STAM2: variants seen among roughly 807,000 people sequenced by gnomAD.
STAM2 encodes signal transducing adaptor molecule 2.
Under a neutral mutation model 65.6 loss-of-function variants are expected in STAM2, and 51 were observed. The observed-to-expected ratio is 0.78, with a 90% CI of 0.62 to 0.98. The LOEUF (loss-of-function observed/expected upper bound fraction) is 0.98. Ranked by LOEUF, STAM2 falls within the 50% of genes least tolerant of loss-of-function variation. The probability of loss-of-function intolerance (pLI) is 0.00; values close to 1 mark genes in which losing one functional copy is unlikely to be tolerated. For synonymous variants in STAM2, 198 were observed against 208.4 expected (o/e 0.95, Z 0.43); for missense variants, 584 against 617.8 (o/e 0.95, Z 0.58).
chr2:152,122,848 T>C (rs1688882319), intron 13 of STAM2, among the ~76,000 whole-genome samples: 1 of 151,984 alleles, frequency 6.6e-6, no homozygotes, highest in African/African-American at 2.4e-5. Flanking sequence ...GGCAGATCCC[T>C]TGAGCTCAGG....
At position 152,122,068 on chromosome 2, in the gene STAM2, A is replaced by ATGTG. The variant is rs1688863875; in HGVS notation, c.1350-1267_1350-1266insCACA. Among the ~76,000 whole-genome samples the ATGTG allele has an allele frequency of 2.4e-5, 3 of 123,860 alleles. No homozygotes were observed. In the Admixed American group the frequency reaches 2.8e-4, roughly 11 times the overall value. 81.3% of individuals were successfully genotyped at this position (123,860 alleles called of 152,430 possible). Reference sequence around the variant, plus strand: ...GTCCCCAAAAAAAAAATATATATATATATATATATGTGTGTGTGTGTGTGT... The same window carrying ATGTG: ...GTCCCCAAAAAAAAAATATATATATATGTGTATATATATGTGTGTGTGTGTGTGT... On this transcript the variant is annotated intron_variant, in intron 13 of 13. Coordinates refer to ENST00000263904, the MANE Select transcript of STAM2 (RefSeq NM_005843.6).
intron 1 of STAM2, among the ~76,000 whole-genome samples, chr2:152,167,052 G>A (rs1266399669): frequency 6.6e-6 from 1 of 152,072 alleles, no homozygotes; most frequent in Non-Finnish European, 1.5e-5. Flanking sequence ...CTAAATATGA[G>A]GGAGACTGTA....
intron 1 of STAM2, among the ~76,000 whole-genome samples, chr2:152,166,245 A>G (rs372528495): frequency 6.6e-5 from 10 of 152,306 alleles, no homozygotes; most frequent in African/African-American, 2.2e-4. Flanking sequence ...TTAAGACTAC[A>G]TCATCATGTA....
chr2:152,125,437 C>T (rs753742417), intron 12 of STAM2, among the ~76,000 whole-genome samples: 1 of 152,188 alleles, frequency 6.6e-6, no homozygotes, highest in Non-Finnish European at 1.5e-5. Context: ...CCTTTACATA[C>T]CAGTTTTCAT....
chr2:152,126,718 C>CCA (rs397700967), intron 11 of STAM2, among the ~76,000 whole-genome samples: 7 of 151,994 alleles, frequency 4.6e-5, no homozygotes, highest in Admixed American at 1.3e-4. Flanking sequence ...GCAAACCCCC[C>CCA]ACGTTTTCTG....
At chr2:152,160,978 C>A (rs1395960381) in intron 1 of STAM2, among the ~76,000 whole-genome samples, 1 of 151,484 alleles carries the variant, frequency 6.6e-6, no homozygotes. Flanking sequence ...TGCCCGGCCA[C>A]CACCCCGTCT....
intron 1 of STAM2, among the ~76,000 whole-genome samples, chr2:152,166,956 G>A (rs1484961129): frequency 6.6e-6 from 1 of 152,184 alleles, no homozygotes; most frequent in African/African-American, 2.4e-5. Context: ...TACCGACCAA[G>A]AAAATAGTTT....
At chr2:152,122,327 AG>A (rs1176621172) in intron 13 of STAM2, among the ~76,000 whole-genome samples, 2 of 152,068 alleles carry the variant, frequency 1.3e-5, no homozygotes, top group African/African-American at 4.8e-5. Flanking sequence ...CAGGAGTCAG[AG>A]GTTGGAAGAT....
chr2:152,160,804 C>T lies in STAM2; in HGVS notation c.41-10575G>A, dbSNP rs979961181. The stretch of plus-strand genomic sequence containing the variant: ...TGAGGAGCCCCTCTGCCCGGCCAGC[C>T]GCCCCGTCCGGGAAGGTGGTGGGGG... On this transcript the variant is annotated intron_variant, in intron 1 of 13. Transcript: ENST00000263904. Among the ~76,000 whole-genome samples, 49 of 141,834 alleles carry T rather than the reference C, an allele frequency of 3.5e-4. 1 individual carries two copies. Among genetic ancestry groups the T allele is most frequent in the African/African-American group, 1.2e-3 (44 of 38,068 alleles). The allele number at this position is 141,834 out of a possible 152,430, so 93.0% of individuals were successfully genotyped here.
intron 1 of STAM2, among the ~76,000 whole-genome samples, chr2:152,162,102 T>C (rs1689689951): frequency 6.6e-6 from 1 of 152,122 alleles, no homozygotes; most frequent in East Asian, 1.9e-4. Context: ...GGATTACAGG[T>C]GTGAACCACT....
At chr2:152,128,868 A>T (rs1348336954) in intron 11 of STAM2, among the ~76,000 whole-genome samples, 2 of 152,252 alleles carry the variant, frequency 1.3e-5, no homozygotes, top group Non-Finnish European at 2.9e-5. Flanking sequence ...TTCTAACAGT[A>T]GAGATGTTTT....
At chr2:152,130,488 T>G (rs1579313465) in intron 11 of STAM2, among the ~76,000 whole-genome samples, 1 of 151,308 alleles carries the variant, frequency 6.6e-6, no homozygotes, top group African/African-American at 2.4e-5. Flanking sequence ...CCTGACCTCA[T>G]GATCCACCCG....
At chr2:152,146,729 T>G (rs1689342604) in intron 5 of STAM2, among the ~76,000 whole-genome samples, 2 of 152,302 alleles carry the variant, frequency 1.3e-5, no homozygotes, top group Non-Finnish European at 2.9e-5. Context: ...TCTTCACCAT[T>G]CCAATCTGTA....
intron 1 of STAM2, among the ~76,000 whole-genome samples, chr2:152,152,597 C>T (rs1330541371): frequency 6.6e-6 from 1 of 151,964 alleles, no homozygotes; most frequent in Admixed American, 6.6e-5. Context: ...AAATAATGCA[C>T]TGATGCGATG....
At chr2:152,131,810 G>C (rs1689069242) in intron 11 of STAM2, 4 of 307,714 alleles carry the variant, frequency 1.3e-5, no homozygotes, top group South Asian at 9.6e-5. Context: ...CTAGAGAGTA[G>C]GCACACTGGC....
chr2:152,141,322 G>C (rs1689243022), intron 7 of STAM2, among the ~76,000 whole-genome samples: 2 of 151,802 alleles, frequency 1.3e-5, no homozygotes, highest in Non-Finnish European at 2.9e-5. Flanking sequence ...GATTACCTGA[G>C]GTCAGGAGTT....
intron 1 of STAM2, among the ~76,000 whole-genome samples, chr2:152,157,303 C>T (rs1050454494): frequency 7.2e-5 from 11 of 152,140 alleles, no homozygotes; most frequent in African/African-American, 2.7e-4. Context: ...GGGAGTCATC[C>T]TCCCTATTAT....
Position 152,120,522 on chromosome 2 carries a change from A to G in STAM2, c.*52T>C. 1.3e-6 allele frequency: 2 copies of G among 1,512,096 alleles called. No individual in the cohort carries two copies. The highest frequency in any genetic ancestry group is 9.1e-7 in the Non-Finnish European group (1 of 1,093,214). The allele number at this position is 1,512,096 out of a possible 1,614,324, so 93.7% of individuals were successfully genotyped here. A position where few individuals can be genotyped will look rare whatever the true frequency, so the allele number is the denominator to read the frequency against. ...TTAATATTTTCAGGTTGGTATCACA[A>G]GGACTGAATAATACACTTATGAAGG... On this transcript the variant is annotated 3_prime_UTR_variant, in exon 14 of 14. Transcript: ENST00000263904.
chr2:152,123,654 G>T, intron 13 of STAM2, 112 bp downstream of exon 13: 2 of 1,063,896 alleles, frequency 1.9e-6, no homozygotes, highest in Non-Finnish European at 2.7e-6. Context: ...CACTTCACAG[G>T]ATTATGAATA....
Sources: allele counts gnomAD v4.1 joint callset (sites outside exome capture counted in the v4.1 genomes callset), GRCh38; gene constraint gnomAD v4.1.1; transcripts MANE v1.5; gene names NCBI Gene and HGNC (gene_info 2026-07-23, HGNC 2026-07-21).